Variants in GHSR observed in about 807,000 individuals in gnomAD.
GHSR encodes growth hormone secretagogue receptor, also known as growth hormone secretagogue receptor type 1.
In GHSR, 17 loss-of-function variants were observed where a neutral mutation model predicts 24.0. The ratio of observed to expected loss-of-function variants is 0.71; its 90% CI spans 0.49 to 1.06. GHSR has a LOEUF of 1.06. GHSR is among the 50% of genes least tolerant of loss of function. The pLI, the probability that GHSR is intolerant of heterozygous loss-of-function variation, is 0.00. For synonymous variants in GHSR, 238 were observed against 208.1 expected (o/e 1.14, Z -1.24); for missense variants, 504 against 483.1 (o/e 1.04, Z -0.41).
At chr3:172,445,531 T>G in intron 1 of GHSR, 66 bp from the exon 2 acceptor site, 2 of 1,495,256 alleles carry the variant, frequency 1.3e-6, no homozygotes, top group East Asian at 2.4e-5. Flanking sequence ...ATTCTATTTT[T>G]AAGACTTTGT....
rs1043529281 is a variant in GHSR at position 172,447,869 on chromosome 3, A to G, written c.545T>C (p.Val182Ala). The G allele has an allele frequency of 1.2e-6, 2 of 1,613,778 alleles. No individual in the cohort carries two copies. The highest frequency in any genetic ancestry group is 1.7e-6 in the Non-Finnish European group (2 of 1,179,816). ...FCSAGPIFVL[V>A]GVEHENGTDP... ...GGTGCCGTTCTCGTGCTCCACCCCG[A>G]CTAGCACGAAGATGGGCCCGGCGCT... The change falls in exon 1 of 2, where the codon GTC becomes GCC. Residue 182 changes from valine to alanine, a missense_variant. Coordinates refer to ENST00000241256, the MANE Select transcript of GHSR (RefSeq NM_198407.2).
intron 1 of GHSR, 196 bp downstream of exon 1, chr3:172,447,422 G>A (rs1737489263): frequency 9.1e-6 from 11 of 1,211,132 alleles, no homozygotes; most frequent in Admixed American, 2.9e-5. Flanking sequence ...GAAAGATTGA[G>A]AGATCAAAAA....
chr3:172,447,536 A>G, intron 1 of GHSR, 82 bp downstream of exon 1: 1 of 1,577,608 alleles, frequency 6.3e-7, no homozygotes, highest in Non-Finnish European at 8.6e-7. Flanking sequence ...GGAAATAGAG[A>G]TGGAGACTCA....
chr3:172,447,586 G>A (rs201906959), intron 1 of GHSR, 32 bp downstream of exon 1: 2 of 1,612,504 alleles, frequency 1.2e-6, no homozygotes, highest in Non-Finnish European at 1.7e-6. Context: ...TAGGACCCGC[G>A]AGAGAAAGCC....
chr3:172,446,075 A>AT (rs1280080012), intron 1 of GHSR, among the ~76,000 whole-genome samples: 3 of 152,186 alleles, frequency 2.0e-5, no homozygotes, highest in Admixed American at 6.5e-5. Context: ...ATTATCATCC[A>AT]TCCAAGTCTT....
chr3:172,446,722 T>C (rs954581855), intron 1 of GHSR, among the ~76,000 whole-genome samples: 3 of 152,258 alleles, frequency 2.0e-5, no homozygotes, highest in Admixed American at 6.5e-5. Flanking sequence ...AAGCTGAATT[T>C]GTGCAATAAA....
At position 172,447,885 on chromosome 3, in the gene GHSR, G is replaced by A. The variant is rs202238977; in HGVS notation, c.529C>T (p.Pro177Ser). ...IWAVAFCSAG[P>S]IFVLVGVEHE... ...TCCACCCCGACTAGCACGAAGATGG[G>A]CCCGGCGCTGCAGAAGGCCACGGCC... Residue 177 changes from proline to serine, a missense_variant, in exon 1 of 2, where the codon CCC (proline) becomes TCC (serine). Coordinates refer to ENST00000241256, the MANE Select transcript of GHSR (RefSeq NM_198407.2). 7 of 1,613,146 alleles carry A rather than the reference G, an allele frequency of 4.3e-6. No individual in the cohort carries two copies. The Admixed American group carries it at 5.0e-5, about 12-fold the overall frequency.
rs147683685 is a variant in GHSR at position 172,444,348 on chromosome 3, T to C, written c.*813A>G. Reference sequence around the variant, plus strand: ...ATAAGTTTTGTATATACTCTAGAGCTGTACTGTTCTGAGTGGTAACCTCGA... The same window carrying C: ...ATAAGTTTTGTATATACTCTAGAGCCGTACTGTTCTGAGTGGTAACCTCGA... On this transcript the variant is annotated 3_prime_UTR_variant, in exon 2 of 2. Transcript: ENST00000241256. Among the ~76,000 whole-genome samples, 384 of 152,330 alleles carry C rather than the reference T, an allele frequency of 2.5e-3. 2 individuals carry two copies. The highest frequency in any genetic ancestry group is 8.6e-3 in the African/African-American group (359 of 41,578).
chr3:172,445,284 C>T lies in GHSR; in HGVS notation c.978G>A (p.Met326Ile), dbSNP rs374781943. The stretch of plus-strand genomic sequence containing the variant: ...ACACTGCCACCCGGTACTTCTTGGA[C>T]ATGATGTTGTACAGAATGGGGTTGA... Reference protein sequence around the residue: ...AAINPILYNIMSKKYRVAVFR... With the variant: ...AAINPILYNIISKKYRVAVFR... The change falls in exon 2 of 2, where the codon ATG (methionine) becomes ATA (isoleucine). Residue 326 changes from methionine (M) to isoleucine (I), a missense_variant. Met to Ile is a conservative substitution (Grantham distance 10, BLOSUM62 1). Transcript: ENST00000241256. The T allele has an allele frequency of 6.2e-6, 10 of 1,613,984 alleles. No homozygotes were observed. The highest frequency in any genetic ancestry group is 7.6e-6 in the Non-Finnish European group (9 of 1,180,030).
chr3:172,448,171 G>A lies in GHSR; in HGVS notation c.243C>T (p.Tyr81=). 2.5e-6 allele frequency: 4 copies of A among 1,614,240 alleles called. No homozygotes were observed. The highest frequency in any genetic ancestry group is 1.7e-5 in the Admixed American group (1 of 60,032). Reference sequence around the variant, plus strand: ...GATCGGAGAAGGCCATGCTGGACAGGTAGAGGTTGGTGGTGGTGCGCAGCT... The same window carrying A: ...GATCGGAGAAGGCCATGCTGGACAGATAGAGGTTGGTGGTGGTGCGCAGCT... ...FRELRTTTNL[Y]LSSMAFSDLL... Residue 81 remains tyrosine, a synonymous_variant, in exon 1 of 2, where the codon TAC becomes TAT. Transcript: ENST00000241256. This position sits in a 1 kb window ranked among gnomAD's most constrained non-coding sequence, Gnocchi z 4.8.
rs554369866 is a variant in GHSR at position 172,444,635 on chromosome 3, G to A, written c.*526C>T. ...GCATGCCAGATTTCAAAGACTTAGT[G>A]TGAAAAAAAAGAATGTAAATTCCTT... On this transcript the variant is annotated 3_prime_UTR_variant, in exon 2 of 2. Coordinates refer to ENST00000241256, the MANE Select transcript of GHSR (RefSeq NM_198407.2). Among the ~76,000 whole-genome samples the A allele has an allele frequency of 1.4e-4, 22 of 151,994 alleles. 1 individual carries two copies. Among genetic ancestry groups the A allele is most frequent in the African/African-American group, 5.3e-4 (22 of 41,480 alleles).
rs772317940 is a variant in GHSR, at chr3:172,448,445, G to T, written c.-32C>A. On this transcript the variant is annotated 5_prime_UTR_variant, in exon 1 of 2. Transcript: ENST00000241256. This position sits in a 1 kb window ranked among gnomAD's most constrained non-coding sequence, Gnocchi z 4.8. ...GGCTCAGCTGAACAGGCTCTGGGACGTGACTGCGCTGGGAGGCTGGACCGA... is the reference window on the plus strand; with the variant it reads ...GGCTCAGCTGAACAGGCTCTGGGACTTGACTGCGCTGGGAGGCTGGACCGA... 2.2e-5 allele frequency: 35 copies of T among 1,570,556 alleles called. No individual in the cohort carries two copies. Among genetic ancestry groups the T allele is most frequent in the Non-Finnish European group, 3.0e-5 (35 of 1,166,698 alleles).
chr3:172,448,296 CG>C lies in GHSR; in HGVS notation c.117del (p.Ala40ArgfsTer98), dbSNP rs1308977619. The C allele has an allele frequency of 6.2e-7, 1 of 1,612,024 alleles. No homozygotes were observed. The highest frequency in any genetic ancestry group is 1.1e-5 in the South Asian group (1 of 91,054). On this transcript the variant is annotated frameshift_variant, in exon 1 of 2. Coordinates refer to ENST00000241256, the MANE Select transcript of GHSR (RefSeq NM_198407.2). LOFTEE classifies it high-confidence loss of function. The surrounding 1 kb of genome is among the most constrained non-coding windows in gnomAD (Gnocchi z 4.8). ...SLGDELLQLF[P>X]APLLAGVTAT... ...GCTGTGACGCCCGCCAGCAGCGGCG[CG>C]GGGAAGAGCTGCAGCAGCTCGTCGC...
At position 172,447,708 on chromosome 3, in the gene GHSR, C is replaced by T. The variant is rs559800306; in HGVS notation, c.706G>A (p.Gly236Ser). 1.2e-6 allele frequency: 2 copies of T among 1,614,066 alleles called. No individual in the cohort carries two copies. Among genetic ancestry groups the T allele is most frequent in the African/African-American group, 1.3e-5 (1 of 74,996 alleles). ...FCLTVLYSLI[G>S]RKLWRRRRGD... ...CGCCTCCTCCGCCACAGCTTCCTGCCGATGAGACTGTAGAGGACCGTGAGA... is the reference window on the plus strand; with the variant it reads ...CGCCTCCTCCGCCACAGCTTCCTGCTGATGAGACTGTAGAGGACCGTGAGA... Residue 236 changes from glycine to serine, a missense_variant, in exon 1 of 2, where the codon GGC becomes AGC. Transcript: ENST00000241256.
chr3:172,447,308 A>G (rs1737485502), intron 1 of GHSR, among the ~76,000 whole-genome samples: 1 of 152,174 alleles, frequency 6.6e-6, no homozygotes, highest in African/African-American at 2.4e-5. Context: ...TTTGCATGAA[A>G]GAGAGAAAGG....
intron 1 of GHSR, 129 bp downstream of exon 1, chr3:172,447,489 G>A (rs141197885): frequency 6.6e-6 from 10 of 1,517,972 alleles, no homozygotes; most frequent in African/African-American, 5.6e-5. Flanking sequence ...AGAGACAGAG[G>A]CCCAGAGAAA....
In GHSR at chr3:172,445,485, GAGAT is replaced by G. The variant is rs772815135; in HGVS notation, c.797-24_797-21del. 2.9e-5 allele frequency: 46 copies of G among 1,604,162 alleles called. No homozygotes were observed. Among genetic ancestry groups the G allele is most frequent in the Non-Finnish European group, 1.0e-5 (12 of 1,175,020 alleles). ...CTACAGCTAAAAGGACAATGGGAGA[GAGAT>G]AGTCAGCTCAAGAAATGTCACAGCA... On this transcript the variant is annotated intron_variant, in intron 1 of 1. Transcript: ENST00000241256.
In GHSR at chr3:172,443,308, C is replaced by T. The variant is rs970035234; in HGVS notation, c.*1853G>A. ...TTTTTTTTTTTAATATTGATGCACT[C>T]TTAGGAATTAACTACATAATCAGCT... On this transcript the variant is annotated 3_prime_UTR_variant, in exon 2 of 2. Coordinates refer to ENST00000241256, the MANE Select transcript of GHSR (RefSeq NM_198407.2). Among the ~76,000 whole-genome samples, 1 of 150,942 alleles carries T rather than the reference C, an allele frequency of 6.6e-6. No homozygotes were observed. Among genetic ancestry groups the T allele is most frequent in the South Asian group, 2.1e-4 (1 of 4,790 alleles).
Position 172,445,226 on chromosome 3 carries a change from T to C in GHSR, c.1036A>G (p.Arg346Gly). ...RLLGFEPFSQ[R>G]KLSTLKDESS... is the part of the protein sequence containing the mutation. ...TCATCTTTCAGAGTGGAGAGCTTTC[T>C]CTGGGAGAAGGGTTCGAATCCCAGA... Residue 346 changes from arginine to glycine, a missense_variant, in exon 2 of 2, where the codon AGA (arginine) becomes GGA (glycine). By Grantham distance (125) the Arg-to-Gly change is moderately radical. Coordinates refer to ENST00000241256, the MANE Select transcript of GHSR (RefSeq NM_198407.2). 1 of 1,614,164 alleles carries C rather than the reference T, an allele frequency of 6.2e-7. No individual in the cohort carries two copies. Among genetic ancestry groups the C allele is most frequent in the African/African-American group, 1.3e-5 (1 of 75,034 alleles).
Sources: allele counts gnomAD v4.1 joint callset (sites outside exome capture counted in the v4.1 genomes callset), GRCh38; gene constraint gnomAD v4.1.1; non-coding constraint Gnocchi (gnomAD v3.1); transcripts MANE v1.5; gene names NCBI Gene and HGNC (gene_info 2026-07-23, HGNC 2026-07-21).